LRRC4C: variants seen among roughly 807,000 people sequenced by gnomAD.
LRRC4C encodes the protein leucine-rich repeat-containing protein 4C.
A neutral mutation model predicts 33.6 loss-of-function variants in LRRC4C; 5 were observed. That is an observed-to-expected ratio of 0.15 (90% CI 0.08 to 0.31). The LOEUF (loss-of-function observed/expected upper bound fraction) is 0.31. Among genes scored for constraint, LRRC4C ranks in the 10% least tolerant of loss-of-function variants. LRRC4C has a pLI of 1.00. For missense variants in LRRC4C, 560 were observed against 796.7 expected, an observed-to-expected ratio of 0.70 and a Z score of 3.58; for synonymous variants, 329 against 302.0, an observed-to-expected ratio of 1.09 and a Z score of -0.93.
At chr11:41,257,158 A>G (rs1300473450) in intron 1 of LRRC4C, among the ~76,000 whole-genome samples, 1 of 152,006 alleles carries the variant, frequency 6.6e-6, no homozygotes, top group African/African-American at 2.4e-5. Context: ...TGAGTATCCC[A>G]CTAAGTTCAA....
chr11:40,287,252 C>CTGTG (rs1466533399), intron 4 of LRRC4C, among the ~76,000 whole-genome samples: 3 of 103,532 alleles, frequency 2.9e-5, no homozygotes, highest in South Asian at 7.6e-4. Context: ...CTTAATGTCA[C>CTGTG]TGTATGTGTG....
At chr11:40,765,185 G>A (rs1217952457) in intron 2 of LRRC4C, among the ~76,000 whole-genome samples, 1 of 152,120 alleles carries the variant, frequency 6.6e-6, no homozygotes, top group Non-Finnish European at 1.5e-5. Flanking sequence ...TGTTGGAGGT[G>A]GGGCTTGGTG....
In LRRC4C at chr11:40,246,129, A is replaced by G. The variant is rs544160785; in HGVS notation, c.-175-4531T>C. 7.9e-5 allele frequency among the ~76,000 whole-genome samples: 12 copies of G among 152,068 alleles called. No homozygotes were observed. The South Asian group carries it at 2.5e-3, about 32-fold the overall frequency. On this transcript the variant is annotated intron_variant, in intron 4 of 6. Coordinates refer to ENST00000528697, the MANE Select transcript of LRRC4C (RefSeq NM_001258419.2). The stretch of plus-strand genomic sequence containing the variant: ...GCTGGGACTACAGGTGTCCGCCACC[A>G]CACCTGGCTAATTTTTATATTTTTA...
intron 2 of LRRC4C, among the ~76,000 whole-genome samples, chr11:40,679,261 G>A (rs1944559668): frequency 6.6e-6 from 1 of 151,948 alleles, no homozygotes. Context: ...GCTGTTAAAG[G>A]CACCTTTTTT....
intron 1 of LRRC4C, among the ~76,000 whole-genome samples, chr11:41,055,316 T>C (rs2135319274): frequency 6.6e-6 from 1 of 152,290 alleles, no homozygotes; most frequent in Admixed American, 6.5e-5. Context: ...AACTTATTTA[T>C]TTATTCTCCT....
intron 1 of LRRC4C, among the ~76,000 whole-genome samples, chr11:40,996,028 C>G (rs1405251951): frequency 1.3e-5 from 2 of 152,146 alleles, no homozygotes; most frequent in East Asian, 3.8e-4. Flanking sequence ...TAATTTATTA[C>G]ATAGTTCCAC....
At chr11:41,069,000 A>C (rs773172784) in intron 1 of LRRC4C, among the ~76,000 whole-genome samples, 10 of 152,208 alleles carry the variant, frequency 6.6e-5, no homozygotes, top group Non-Finnish European at 1.5e-4. Context: ...TCCTGATAAT[A>C]TCAATGCAAA....
chr11:40,127,274 CA>C (rs1856318927), intron 6 of LRRC4C, among the ~76,000 whole-genome samples: 1 of 143,312 alleles, frequency 7.0e-6, no homozygotes, highest in Admixed American at 7.0e-5. Context: ...GACTCCATCT[CA>C]AAAAAAGCAA....
In LRRC4C at chr11:40,136,207, T is replaced by C. The variant is rs376259143; in HGVS notation, c.-43+4594A>G. 3.0e-4 allele frequency among the ~76,000 whole-genome samples: 46 copies of C among 152,030 alleles called. No homozygotes were observed. The East Asian group carries it at 8.9e-3, about 29-fold the overall frequency. On this transcript the variant is annotated intron_variant, in intron 6 of 6. Transcript: ENST00000528697. ...TATGGCTTGCAAAGCCTAAAATATT[T>C]ACCACCTGGTCTCCTAAAAAAAAAA...
chr11:40,159,886 TC>T (rs1272630093), intron 5 of LRRC4C, among the ~76,000 whole-genome samples: 6 of 152,354 alleles, frequency 3.9e-5, no homozygotes, highest in African/African-American at 1.2e-4. Flanking sequence ...GTTCATTATC[TC>T]ATTTCTCAAG....
chr11:40,627,200 A>C lies in LRRC4C; in HGVS notation c.-270+20942T>G, dbSNP rs1386407939. Among the ~76,000 whole-genome samples, 3 of 151,506 alleles carry C rather than the reference A, an allele frequency of 2.0e-5. No individual in the cohort carries two copies. In the South Asian group the frequency reaches 6.2e-4, roughly 32 times the overall value. The stretch of plus-strand genomic sequence containing the variant: ...TATCCTAAGGGAAATTATTAAGATA[A>C]CAGTATGACTACCTACCAATATTTC... On this transcript the variant is annotated intron_variant, in intron 3 of 6. Transcript: ENST00000528697.
chr11:41,280,116 T>C (rs974968851), intron 1 of LRRC4C, among the ~76,000 whole-genome samples: 23 of 152,186 alleles, frequency 1.5e-4, no homozygotes, highest in African/African-American at 5.3e-4. Context: ...GAATTGTCTT[T>C]ACTTCAATGC....
intron 1 of LRRC4C, among the ~76,000 whole-genome samples, chr11:41,311,542 T>C (rs923296580): frequency 6.6e-6 from 1 of 152,182 alleles, no homozygotes; most frequent in Non-Finnish European, 1.5e-5. Context: ...AAATATATGT[T>C]CCATGTACTT....
chr11:40,541,751 G>T (rs1373307194), intron 3 of LRRC4C, among the ~76,000 whole-genome samples: 1 of 152,084 alleles, frequency 6.6e-6, no homozygotes, highest in Non-Finnish European at 1.5e-5. Flanking sequence ...AATCATCTCT[G>T]TATCTCTGAC....
chr11:40,911,400 T>C (rs1956679892), intron 2 of LRRC4C, among the ~76,000 whole-genome samples: 1 of 152,186 alleles, frequency 6.6e-6, no homozygotes, highest in Non-Finnish European at 1.5e-5. Flanking sequence ...ATATCCGCTG[T>C]TCTGCATCCT....
intron 1 of LRRC4C, among the ~76,000 whole-genome samples, chr11:41,333,532 C>T (rs1336132263): frequency 2.0e-5 from 3 of 152,138 alleles, no homozygotes; most frequent in Admixed American, 1.3e-4. Context: ...CAATAATAGA[C>T]ATTCAAACTA....
intron 3 of LRRC4C, among the ~76,000 whole-genome samples, chr11:40,484,825 T>C (rs1385570417): frequency 6.6e-6 from 1 of 152,080 alleles, no homozygotes; most frequent in Non-Finnish European, 1.5e-5. Context: ...ATAATAAACT[T>C]TACTCTGAAG....
intron 1 of LRRC4C, among the ~76,000 whole-genome samples, chr11:41,053,445 G>C (rs1858399059): frequency 6.6e-6 from 1 of 152,168 alleles, no homozygotes; most frequent in South Asian, 2.1e-4. Context: ...TCCTTTCTTA[G>C]ACAAAGCTGG....
At chr11:40,233,942 T>A (rs1251481913) in intron 5 of LRRC4C, among the ~76,000 whole-genome samples, 1 of 152,170 alleles carries the variant, frequency 6.6e-6, no homozygotes, top group African/African-American at 2.4e-5. Flanking sequence ...ACTTCACATT[T>A]ATACTCTTAT....
Sources: allele counts gnomAD v4.1 joint callset (sites outside exome capture counted in the v4.1 genomes callset), GRCh38; gene constraint gnomAD v4.1.1; transcripts MANE v1.5; gene names NCBI Gene and HGNC (gene_info 2026-07-23, HGNC 2026-07-21).